SCFD2: variants seen among roughly 807,000 people sequenced by gnomAD.
SCFD2 encodes the protein sec1 family domain containing 2.
In SCFD2, 54 loss-of-function variants were observed where a neutral mutation model predicts 58.9. The observed-to-expected ratio is 0.92, with a 90% confidence interval of 0.74 to 1.15. The LOEUF is 1.15. SCFD2 is among the 50% of genes most tolerant of loss of function. The pLI is 0.00. For synonymous variants in SCFD2, 321 were observed against 335.9 expected (o/e 0.96, Z 0.49); for missense variants, 805 against 836.6 (o/e 0.96, Z 0.47).
At chr4:53,272,875 A>G (rs550994958) in intron 4 of SCFD2, among the ~76,000 whole-genome samples, 1 of 152,206 alleles carries the variant, frequency 6.6e-6, no homozygotes, top group Non-Finnish European at 1.5e-5. Context: ...TAGAACCTTG[A>G]GAGAAAAAAG....
At chr4:53,001,456 T>C (rs1411885317) in intron 5 of SCFD2, among the ~76,000 whole-genome samples, 1 of 152,230 alleles carries the variant, frequency 6.6e-6, no homozygotes, top group African/African-American at 2.4e-5. Flanking sequence ...GTTTGCTTGA[T>C]TTGTAATTTA....
chr4:52,994,677 C>T (rs1463657916), intron 5 of SCFD2, among the ~76,000 whole-genome samples: 3 of 152,140 alleles, frequency 2.0e-5, no homozygotes, highest in Non-Finnish European at 4.4e-5. Flanking sequence ...ACACTGTTGG[C>T]GATTAAAGTC....
chr4:53,328,070 G>A (rs35280255), intron 2 of SCFD2, among the ~76,000 whole-genome samples: 1 of 152,212 alleles, frequency 6.6e-6, no homozygotes, highest in African/African-American at 2.4e-5. Flanking sequence ...AGGAGGCAGA[G>A]GTTGCAGTGA....
chr4:53,114,258 C>A (rs1431101769), intron 5 of SCFD2, among the ~76,000 whole-genome samples: 1 of 152,236 alleles, frequency 6.6e-6, no homozygotes, highest in East Asian at 1.9e-4. Context: ...ACATACTACA[C>A]ATAGTATTAA....
At chr4:53,205,074 G>A (rs764697919) in intron 4 of SCFD2, among the ~76,000 whole-genome samples, 5 of 152,020 alleles carry the variant, frequency 3.3e-5, no homozygotes, top group Admixed American at 6.6e-5. Context: ...AAAAACAGGA[G>A]GGAAAAAAGT....
At chr4:53,245,857 T>TA (rs2149030362) in intron 4 of SCFD2, among the ~76,000 whole-genome samples, 1 of 152,026 alleles carries the variant, frequency 6.6e-6, no homozygotes, top group African/African-American at 2.4e-5. Flanking sequence ...TCAGAGCAAT[T>TA]AGGCAAGAGA....
chr4:53,192,903 TG>T (rs1727954735), intron 4 of SCFD2, among the ~76,000 whole-genome samples: 2 of 152,166 alleles, frequency 1.3e-5, no homozygotes, highest in Admixed American at 1.3e-4. Context: ...TCTTTAAGGA[TG>T]TTACACCAAG....
In SCFD2 at chr4:52,873,769, A is replaced by C. The variant is rs9799642; in HGVS notation, c.*200T>G. 1 of 450,364 alleles carries C rather than the reference A, an allele frequency of 2.2e-6. No homozygotes were observed. The highest frequency in any genetic ancestry group is 4.0e-6 in the Non-Finnish European group (1 of 252,574). 27.9% of individuals were successfully genotyped at this position (450,364 alleles called of 1,614,324 possible). A position where few individuals can be genotyped will look rare whatever the true frequency, so the allele number is the denominator to read the frequency against. ...CTGTCGCCTTCAGGAAAATAAAAAA[A>C]CTTTTTTTTTTTTTTTTTAAGAATC... is the stretch of plus-strand genomic sequence containing the variant. On this transcript the variant is annotated 3_prime_UTR_variant, in exon 9 of 9. Transcript: ENST00000401642.
intron 1 of SCFD2, among the ~76,000 whole-genome samples, chr4:53,354,965 A>G (rs1055634920): frequency 6.6e-6 from 1 of 152,122 alleles, no homozygotes; most frequent in African/African-American, 2.4e-5. Flanking sequence ...AATTGCTTCA[A>G]GGATTTGAGA....
At chr4:52,986,968 T>G (rs1436326234) in intron 5 of SCFD2, among the ~76,000 whole-genome samples, 1 of 152,220 alleles carries the variant, frequency 6.6e-6, no homozygotes, top group East Asian at 1.9e-4. Flanking sequence ...GGTGAGAATT[T>G]AGAGCTTGAT....
intron 5 of SCFD2, among the ~76,000 whole-genome samples, chr4:53,119,669 G>C (rs1001853688): frequency 6.6e-6 from 1 of 152,172 alleles, no homozygotes; most frequent in Non-Finnish European, 1.5e-5. Context: ...GTATAGGCAT[G>C]TGTTACCCCT....
chr4:53,051,528 G>A (rs1723191549), intron 5 of SCFD2, among the ~76,000 whole-genome samples: 1 of 152,172 alleles, frequency 6.6e-6, no homozygotes. Flanking sequence ...TTGGTTAAGT[G>A]GGCTGCTTGA....
rs1307716981 is a variant in SCFD2, at chr4:53,290,279, A to C, written c.1136-16278T>G. 2.0e-5 allele frequency among the ~76,000 whole-genome samples: 3 copies of C among 152,192 alleles called. No homozygotes were observed. The East Asian group carries it at 5.8e-4, about 29-fold the overall frequency. Reference sequence around the variant, plus strand: ...CACAGTCATATCAAGTATTGATTCTAACCAAAGTGGTGAGAAACCAGAAAT... The same window carrying C: ...CACAGTCATATCAAGTATTGATTCTCACCAAAGTGGTGAGAAACCAGAAAT... On this transcript the variant is annotated intron_variant, in intron 3 of 8. Transcript: ENST00000401642.
chr4:52,940,696 G>T (rs1315696067), intron 5 of SCFD2, among the ~76,000 whole-genome samples: 1 of 152,166 alleles, frequency 6.6e-6, no homozygotes, highest in East Asian at 1.9e-4. Context: ...TTTTCTGAGG[G>T]CTCGGCCAGG....
At chr4:53,092,337 T>A (rs920093653) in intron 5 of SCFD2, among the ~76,000 whole-genome samples, 1 of 152,146 alleles carries the variant, frequency 6.6e-6, no homozygotes, top group Non-Finnish European at 1.5e-5. Context: ...CTCAAAATTG[T>A]TAGTTGAAAT....
chr4:53,311,561 A>T (rs550674148), intron 3 of SCFD2, among the ~76,000 whole-genome samples: 96 of 152,272 alleles, frequency 6.3e-4, no homozygotes, highest in South Asian at 3.5e-3. Context: ...TGATAGTATC[A>T]TAATGTTGTA....
At chr4:53,325,530 T>G (rs917871094) in intron 2 of SCFD2, among the ~76,000 whole-genome samples, 3 of 95,856 alleles carry the variant, frequency 3.1e-5, no homozygotes, top group African/African-American at 1.1e-4. Context: ...ATACCACATT[T>G]TATCAATGCA....
intron 4 of SCFD2, among the ~76,000 whole-genome samples, chr4:53,205,004 A>G (rs934371511): frequency 6.6e-6 from 1 of 152,024 alleles, no homozygotes; most frequent in Non-Finnish European, 1.5e-5. Context: ...GCTTTTCAAT[A>G]TATCAAAGGA....
chr4:53,312,558 G>A (rs996346311), intron 3 of SCFD2, among the ~76,000 whole-genome samples: 3 of 152,148 alleles, frequency 2.0e-5, no homozygotes, highest in African/African-American at 7.2e-5. Flanking sequence ...TCATCATTAT[G>A]TTCCTTGCAG....
Sources: gnomAD v4.1 joint callset for allele counts (sites outside exome capture counted in the v4.1 genomes callset) on GRCh38, gnomAD v4.1.1 for gene constraint, MANE v1.5 for transcripts, NCBI Gene and HGNC (gene_info 2026-07-23, HGNC 2026-07-21) for gene names.